Variants in CNTNAP5 observed in about 807,000 individuals in gnomAD.
CNTNAP5 encodes contactin-associated protein-like 5.
In CNTNAP5, 72 loss-of-function variants were observed where a neutral mutation model predicts 150.2. That is an observed-to-expected ratio of 0.48 (90% CI 0.40 to 0.58). CNTNAP5 has a LOEUF of 0.58. CNTNAP5 is among the 20% of genes least tolerant of loss of function. The pLI is 0.00. For synonymous variants in CNTNAP5, 672 were observed against 619.8 expected, an observed-to-expected ratio of 1.08 and a Z score of -1.25; for missense variants, 1,636 against 1,626.2, an observed-to-expected ratio of 1.01 and a Z score of -0.10.
chr2:124,365,324 G>GAAA (rs779922592), intron 3 of CNTNAP5, among the ~76,000 whole-genome samples: 1 of 123,478 alleles, frequency 8.1e-6, no homozygotes, highest in Non-Finnish European at 1.7e-5. Context: ...CCAAAAAAAG[G>GAAA]AAAAAAAAAA....
chr2:124,166,844 C>T (rs1684818976), intron 1 of CNTNAP5, among the ~76,000 whole-genome samples: 1 of 152,098 alleles, frequency 6.6e-6, no homozygotes. Context: ...AGACTCAATC[C>T]TTTCTCTTTG....
intron 3 of CNTNAP5, among the ~76,000 whole-genome samples, chr2:124,319,443 T>A (rs76142977): frequency 6.6e-6 from 1 of 152,184 alleles, no homozygotes; most frequent in Non-Finnish European, 1.5e-5. Context: ...AACCTCAAAC[T>A]GGCACAGTTG....
At chr2:124,252,250 C>G (rs1687199125) in intron 3 of CNTNAP5, among the ~76,000 whole-genome samples, 2 of 152,144 alleles carry the variant, frequency 1.3e-5, no homozygotes, top group Admixed American at 1.3e-4. Flanking sequence ...GCGGGGCATC[C>G]TAAACCCCTT....
At chr2:124,116,613 C>T (rs1354290841) in intron 1 of CNTNAP5, among the ~76,000 whole-genome samples, 1 of 152,174 alleles carries the variant, frequency 6.6e-6, no homozygotes, top group African/African-American at 2.4e-5. Context: ...TGGGCTTTTC[C>T]TAGAAGATAA....
intron 11 of CNTNAP5, among the ~76,000 whole-genome samples, chr2:124,565,363 G>T (rs1458415101): frequency 6.6e-6 from 1 of 152,020 alleles, no homozygotes; most frequent in African/African-American, 2.4e-5. Context: ...ATACCACAAA[G>T]GATAAATGCT....
intron 11 of CNTNAP5, among the ~76,000 whole-genome samples, chr2:124,597,761 C>T (rs918623582): frequency 1.8e-4 from 27 of 152,038 alleles, no homozygotes; most frequent in East Asian, 9.7e-4. Flanking sequence ...TTCCATTCTC[C>T]GCATCACTTT....
intron 12 of CNTNAP5, among the ~76,000 whole-genome samples, chr2:124,643,917 A>G (rs1187795816): frequency 6.6e-6 from 1 of 152,202 alleles, no homozygotes; most frequent in Non-Finnish European, 1.5e-5. Flanking sequence ...AATATGACCA[A>G]TAAGAAAACT....
intron 7 of CNTNAP5, among the ~76,000 whole-genome samples, chr2:124,503,456 C>CT (rs534720465): frequency 6.6e-5 from 10 of 152,086 alleles, no homozygotes; most frequent in South Asian, 2.1e-4. Flanking sequence ...GGATCCTTAC[C>CT]TTTTTTTTGC....
chr2:124,860,798 G>A (rs1017799137), intron 19 of CNTNAP5, among the ~76,000 whole-genome samples: 9 of 152,098 alleles, frequency 5.9e-5, no homozygotes, highest in Admixed American at 3.3e-4. Flanking sequence ...AGGCCAGGGA[G>A]GGCTTCTTAT....
intron 9 of CNTNAP5, among the ~76,000 whole-genome samples, chr2:124,525,357 G>T (rs563459564): frequency 1.3e-5 from 2 of 152,150 alleles, no homozygotes; most frequent in African/African-American, 4.8e-5. Context: ...AGTTAAGTAC[G>T]ACCAAGGTGT....
At chr2:124,766,880 T>G (rs1681080439) in intron 16 of CNTNAP5, among the ~76,000 whole-genome samples, 1 of 152,212 alleles carries the variant, frequency 6.6e-6, no homozygotes, top group Non-Finnish European at 1.5e-5. Flanking sequence ...AAGTAATTGC[T>G]TGGTATATAA....
At chr2:124,804,941 A>G (rs1032312144) in intron 19 of CNTNAP5, among the ~76,000 whole-genome samples, 6 of 152,198 alleles carry the variant, frequency 3.9e-5, no homozygotes, top group African/African-American at 1.4e-4. Flanking sequence ...TGGGGTTATC[A>G]GAGCATGAAT....
rs114558531 is a variant in CNTNAP5 at position 124,286,919 on chromosome 2, T to C, written c.381+44526T>C. 2.2e-3 allele frequency among the ~76,000 whole-genome samples: 339 copies of C among 152,194 alleles called. 1 individual carries two copies. The highest frequency in any genetic ancestry group is 7.9e-3 in the African/African-American group (328 of 41,506). On this transcript the variant is annotated intron_variant, in intron 3 of 23. Coordinates refer to ENST00000682447, the MANE Select transcript of CNTNAP5 (RefSeq NM_001367498.1). The stretch of plus-strand genomic sequence containing the variant: ...ATGTAAAGAAGTCGAGGTCACAAGA[T>C]CAATACCCAAGTTTAATACCCACAG...
intron 11 of CNTNAP5, among the ~76,000 whole-genome samples, chr2:124,583,672 G>T (rs1179123630): frequency 6.6e-6 from 1 of 152,180 alleles, no homozygotes; most frequent in Non-Finnish European, 1.5e-5. Context: ...AGGTTTGGAA[G>T]GGGGAAGGGA....
chr2:124,134,367 A>G (rs1683928503), intron 1 of CNTNAP5, among the ~76,000 whole-genome samples: 1 of 152,170 alleles, frequency 6.6e-6, no homozygotes, highest in Non-Finnish European at 1.5e-5. Flanking sequence ...AAAGAAAAAA[A>G]AAAAATGGTA....
chr2:124,486,416 AAC>A (rs1693882016), intron 7 of CNTNAP5, among the ~76,000 whole-genome samples: 1 of 152,208 alleles, frequency 6.6e-6, no homozygotes. Context: ...TTACCGATGT[AAC>A]CAAACACCAC....
In CNTNAP5 at chr2:124,828,001, CCTTT is replaced by C. The variant is rs1466625252; in HGVS notation, c.3217+29682_3217+29685del. Among the ~76,000 whole-genome samples the C allele has an allele frequency of 2.0e-5, 3 of 152,160 alleles. 1 individual carries two copies. Among genetic ancestry groups the C allele is most frequent in the Admixed American group, 2.0e-4 (3 of 15,274 alleles). On this transcript the variant is annotated intron_variant, in intron 19 of 23. Coordinates refer to ENST00000682447, the MANE Select transcript of CNTNAP5 (RefSeq NM_001367498.1). ...TCCAATTCAGCTCCAAGCTGCTCTT[CCTTT>C]GAGTTGCTCCCACTTGCACCCAGTG...
At chr2:124,698,313 C>T (rs747185870) in intron 13 of CNTNAP5, among the ~76,000 whole-genome samples, 2 of 150,858 alleles carry the variant, frequency 1.3e-5, no homozygotes, top group African/African-American at 2.4e-5. Flanking sequence ...TCATTCTCTG[C>T]AGATACTCAG....
chr2:124,552,787 G>C (rs1195343184), intron 10 of CNTNAP5, among the ~76,000 whole-genome samples: 1 of 152,134 alleles, frequency 6.6e-6, no homozygotes, highest in Non-Finnish European at 1.5e-5. Flanking sequence ...AAGTGAGATG[G>C]TACTTATATT....
Sources: gnomAD v4.1 joint callset for allele counts (sites outside exome capture counted in the v4.1 genomes callset) on GRCh38, gnomAD v4.1.1 for gene constraint, MANE v1.5 for transcripts, NCBI Gene and HGNC (gene_info 2026-07-23, HGNC 2026-07-21) for gene names.